TMEM266: variants seen among roughly 807,000 people sequenced by gnomAD.
The protein encoded by TMEM266 is Hv1 related protein 1.
TMEM266 carries 33 observed loss-of-function variants against 50.5 expected under a neutral mutation model. The ratio of observed to expected loss-of-function variants is 0.65; its 90% CI spans 0.50 to 0.87. The LOEUF (loss-of-function observed/expected upper bound fraction) is 0.87, where lower values mean the gene tolerates loss of function less well. Among genes scored for constraint, TMEM266 ranks in the 40% least tolerant of loss-of-function variants. The probability of loss-of-function intolerance (pLI) is 0.00; values close to 1 mark genes in which losing one functional copy is unlikely to be tolerated. For synonymous variants in TMEM266, 310 were observed against 292.3 expected, an observed-to-expected ratio of 1.06 and a Z score of -0.62; for missense variants, 655 against 695.1, an observed-to-expected ratio of 0.94 and a Z score of 0.65.
intron 1 of TMEM266, among the ~76,000 whole-genome samples, chr15:76,103,146 A>C (rs151167964): frequency 7.2e-5 from 11 of 152,158 alleles, no homozygotes; most frequent in African/African-American, 2.4e-4. Flanking sequence ...GCAGTGGTAC[A>C]ATTTGGGAGG....
intron 6 of TMEM266, among the ~76,000 whole-genome samples, chr15:76,170,229 G>T (rs2038166517): frequency 6.6e-6 from 1 of 152,240 alleles, no homozygotes; most frequent in South Asian, 2.1e-4. Flanking sequence ...TCTCAGGCTG[G>T]GTTTCCGTTC....
chr15:76,203,271 A>G (rs2038779710), intron 10 of TMEM266, among the ~76,000 whole-genome samples: 1 of 152,116 alleles, frequency 6.6e-6, no homozygotes, highest in African/African-American at 2.4e-5. Flanking sequence ...AGGATGGGCT[A>G]GGTTAGGCAG....
At chr15:76,164,908 T>C (rs1405790428) in intron 5 of TMEM266, among the ~76,000 whole-genome samples, 1 of 152,234 alleles carries the variant, frequency 6.6e-6, no homozygotes, top group Non-Finnish European at 1.5e-5. Flanking sequence ...TTCTGCTCAC[T>C]AAGAGGTGAT....
Position 76,204,147 on chromosome 15 carries a change from C to T in TMEM266, c.1428C>T (p.Pro476=), listed in dbSNP as rs537048242. ...CAGCGGGCTCGGCCCAAACCAGCCC[C>T]GAGCTGGAACACAGGGTAAGTCTGT... The change falls in exon 11 of 11, where the codon CCC becomes CCT. Residue 476 remains proline (P), a synonymous_variant. Coordinates refer to ENST00000388942, the MANE Select transcript of TMEM266 (RefSeq NM_152335.3). The T allele has an allele frequency of 4.7e-5, 76 of 1,613,600 alleles. 1 individual carries two copies. The highest frequency in any genetic ancestry group is 1.7e-4 in the Admixed American group (10 of 60,030).
At chr15:76,119,409 AAAAG>A (rs2037305177) in intron 1 of TMEM266, among the ~76,000 whole-genome samples, 1 of 149,494 alleles carries the variant, frequency 6.7e-6, no homozygotes, top group Non-Finnish European at 1.5e-5. Context: ...AAAAAAAAAA[AAAAG>A]AAAAGAAAAG....
At chr15:76,194,022 C>CT (rs981730171) in intron 9 of TMEM266, among the ~76,000 whole-genome samples, 118 of 150,896 alleles carry the variant, frequency 7.8e-4, no homozygotes, top group African/African-American at 1.3e-3. Context: ...GCCACTACTG[C>CT]TTTTTTTTTT....
In TMEM266 at chr15:76,203,328, A is replaced by C. The variant is rs148948374; in HGVS notation, c.1022-413A>C. Among the ~76,000 whole-genome samples the C allele has an allele frequency of 4.4e-3, 677 of 152,316 alleles. 8 individuals carry two copies. Among genetic ancestry groups the C allele is most frequent in the African/African-American group, 0.016 (650 of 41,568 alleles). On this transcript the variant is annotated intron_variant, in intron 10 of 10. Coordinates refer to ENST00000388942, the MANE Select transcript of TMEM266 (RefSeq NM_152335.3). ...CTCGATGGTTTAAACAAACAAAGCC[A>C]CAAAAGCCCACTGTAGGTTGGCTGG... is the stretch of plus-strand genomic sequence containing the variant.
At chr15:76,090,766 A>AG (rs1385829879) in intron 1 of TMEM266, among the ~76,000 whole-genome samples, 4 of 152,154 alleles carry the variant, frequency 2.6e-5, no homozygotes, top group Non-Finnish European at 5.9e-5. Context: ...GGGAAGGGTG[A>AG]GGAAGAGGGT....
At chr15:76,148,136 T>A (rs1251446436) in intron 3 of TMEM266, among the ~76,000 whole-genome samples, 2 of 152,138 alleles carry the variant, frequency 1.3e-5, no homozygotes, top group African/African-American at 4.8e-5. Context: ...CGGGGGTGTG[T>A]CGGGGATGTT....
intron 1 of TMEM266, among the ~76,000 whole-genome samples, chr15:76,078,315 A>G (rs543846787): frequency 6.6e-6 from 1 of 152,136 alleles, no homozygotes; most frequent in South Asian, 2.1e-4. Context: ...GGGCCCCGGT[A>G]GTGAATATGA....
intron 7 of TMEM266, among the ~76,000 whole-genome samples, chr15:76,173,624 C>T (rs1001398558): frequency 1.8e-4 from 27 of 152,086 alleles, no homozygotes; most frequent in African/African-American, 5.8e-4. Flanking sequence ...AACACAGAAG[C>T]GTATTTCATT....
At chr15:76,175,504 C>A in intron 7 of TMEM266, 55 bp from the exon 8 acceptor site, 1 of 1,431,086 alleles carries the variant, frequency 7.0e-7, no homozygotes, top group African/African-American at 1.4e-5. Context: ...CCGCCCTTCC[C>A]TAGTCCAAGC....
intron 3 of TMEM266, among the ~76,000 whole-genome samples, chr15:76,151,066 G>A (rs2955765): frequency 0.31 from 47,215 of 151,850 alleles, 7,816 homozygotes; most frequent in African/African-American, 0.38. Flanking sequence ...AGCCCAAGCC[G>A]GGCCCCTGGA....
intron 3 of TMEM266, among the ~76,000 whole-genome samples, chr15:76,147,727 G>C (rs2037777598): frequency 6.6e-6 from 1 of 152,212 alleles, no homozygotes; most frequent in Non-Finnish European, 1.5e-5. Flanking sequence ...CCCCAGAGAA[G>C]TTTCCTAAAG....
chr15:76,177,970 G>A (rs1057397572), intron 8 of TMEM266, among the ~76,000 whole-genome samples: 1 of 152,246 alleles, frequency 6.6e-6, no homozygotes, highest in African/African-American at 2.4e-5. Context: ...CTGATGTGGA[G>A]CAGAGCCCTG....
intron 8 of TMEM266, among the ~76,000 whole-genome samples, chr15:76,181,821 C>T (rs1214630970): frequency 1.3e-5 from 2 of 152,212 alleles, no homozygotes; most frequent in African/African-American, 4.8e-5. Context: ...TATGTACCTC[C>T]ATGCGTGGGA....
chr15:76,069,069 G>A (rs2141982592), intron 1 of TMEM266, among the ~76,000 whole-genome samples: 1 of 152,252 alleles, frequency 6.6e-6, no homozygotes, highest in Middle Eastern at 3.4e-3. Flanking sequence ...TGCTTGCCCT[G>A]TTTATCTCAG....
At chr15:76,064,255 C>T (rs557703507) in intron 1 of TMEM266, among the ~76,000 whole-genome samples, 1 of 152,152 alleles carries the variant, frequency 6.6e-6, no homozygotes, top group Non-Finnish European at 1.5e-5. Flanking sequence ...ATTTTTTAAA[C>T]ATTAAATACC....
Position 76,202,205 on chromosome 15 carries a change from C to G in TMEM266, c.962C>G (p.Ala321Gly). Residue 321 changes from alanine to glycine, a missense_variant, in exon 10 of 11, where the codon GCC becomes GGC. Transcript: ENST00000388942. Reference sequence around the variant, plus strand: ...TTCTCTGTCCCCACCTCTGTAGAAGCCACGATGAAGGACGACATGAACAGC... The same window carrying G: ...TTCTCTGTCCCCACCTCTGTAGAAGGCACGATGAAGGACGACATGAACAGC... The G allele has an allele frequency of 6.2e-7, 1 of 1,613,622 alleles. No individual in the cohort carries two copies. The highest frequency in any genetic ancestry group is 2.2e-5 in the East Asian group (1 of 44,858).
Sources: gnomAD v4.1 joint callset for allele counts (sites outside exome capture counted in the v4.1 genomes callset) on GRCh38, gnomAD v4.1.1 for gene constraint, MANE v1.5 for transcripts, NCBI Gene and HGNC (gene_info 2026-07-23, HGNC 2026-07-21) for gene names.